The following HERC6 variants were observed in gnomAD, a reference collection of about 807,000 sequenced individuals.
HERC6 encodes probable E3 ubiquitin-protein ligase HERC6.
In HERC6, 101 loss-of-function variants were observed where a neutral mutation model predicts 114.5. That is an observed-to-expected ratio of 0.88 (90% CI 0.75 to 1.04). The LOEUF (loss-of-function observed/expected upper bound fraction) is 1.04, where lower values mean the gene tolerates loss of function less well. HERC6 is among the 50% of genes least tolerant of loss of function. The pLI is 0.00. For missense variants in HERC6, 1,133 were observed against 1,230.9 expected (o/e 0.92, Z 1.19); for synonymous variants, 408 against 436.2 (o/e 0.94, Z 0.81).
chr4:88,401,939 T>C (rs570093610), intron 8 of HERC6, among the ~76,000 whole-genome samples: 58 of 152,246 alleles, frequency 3.8e-4, no homozygotes, highest in Non-Finnish European at 7.6e-4. Flanking sequence ...GATTTTGGAG[T>C]AATTCAGAGT....
chr4:88,427,087 C>A (rs1186772999), intron 15 of HERC6, among the ~76,000 whole-genome samples: 1 of 152,132 alleles, frequency 6.6e-6, no homozygotes, highest in Non-Finnish European at 1.5e-5. Flanking sequence ...TAGGAAAAGT[C>A]TGAGGACAAG....
Position 88,385,492 on chromosome 4 carries a change from A to T in HERC6, c.360-7A>T. On this transcript the variant is annotated splice_region_variant and splice_polypyrimidine_tract_variant and intron_variant, in intron 2 of 22. Transcript: ENST00000264346. ...GATTAATCAATTTTGTATTATTTGT[A>T]TTATAGGAAAATAATGACTCTGAAT... The T allele has an allele frequency of 7.6e-7, 1 of 1,308,238 alleles. No individual in the cohort carries two copies. The highest frequency in any genetic ancestry group is 1.1e-6 in the Non-Finnish European group (1 of 942,814). The allele number at this position is 1,308,238 out of a possible 1,614,324, so 81.0% of individuals were successfully genotyped here. A position where few individuals can be genotyped will look rare whatever the true frequency, so the allele number is the denominator to read the frequency against.
At position 88,442,812 on chromosome 4, in the gene HERC6, G is replaced by A. The variant is rs774310639; in HGVS notation, c.*352G>A. On this transcript the variant is annotated 3_prime_UTR_variant, in exon 23 of 23. Transcript: ENST00000264346. ...GGGCCAGACCTGCACTCTGGCCAAT[G>A]ATTGGTTCATTCCAGGACATTCATT... 81 of 277,970 alleles carry A rather than the reference G, an allele frequency of 2.9e-4. No homozygotes were observed. Among genetic ancestry groups the A allele is most frequent in the Non-Finnish European group, 4.6e-4 (66 of 144,530 alleles). The allele number at this position is 277,970 out of a possible 1,614,324, so 17.2% of individuals were successfully genotyped here. A position where few individuals can be genotyped will look rare whatever the true frequency, so the allele number is the denominator to read the frequency against.
chr4:88,397,303 G>C (rs6854823), intron 7 of HERC6, among the ~76,000 whole-genome samples: 70,730 of 150,824 alleles, frequency 0.47, 18,692 homozygotes, highest in African/African-American at 0.72. Context: ...GTAGAGATGG[G>C]GTTTCTCCGT....
At chr4:88,439,842 CTTTT>C (rs537714979) in intron 20 of HERC6, 28 bp from the exon 21 acceptor site, 21,086 of 971,178 alleles carry the variant, frequency 0.022, no homozygotes, top group East Asian at 0.025. Flanking sequence ...TCCTTCCTTT[CTTTT>C]TTTTTTTTTT....
intron 8 of HERC6, among the ~76,000 whole-genome samples, chr4:88,402,577 G>A (rs1735602715): frequency 6.6e-6 from 1 of 152,092 alleles, no homozygotes; most frequent in South Asian, 2.1e-4. Context: ...AGATGAAGGT[G>A]GGAGATAGAT....
rs1738905746 is a variant in HERC6 at position 88,437,768 on chromosome 4, G to A, written c.2542G>A (p.Asp848Asn). The change falls in exon 20 of 23, where the codon GAC becomes AAC. Residue 848 changes from aspartate to asparagine, a missense_variant. By Grantham distance (23) the Asp-to-Asn change is conservative. Transcript: ENST00000264346. ...LIPNGISIPVDQTNKRDYVSK... is the reference protein window; with the variant it reads ...LIPNGISIPVNQTNKRDYVSK... ...TCCAAATGGGATCTCCATACCTGTG[G>A]ACCAAACCAACAAGTAAGTTTTGAC... is the stretch of plus-strand genomic sequence containing the variant. 6.2e-7 allele frequency: 1 copy of A among 1,606,866 alleles called. No homozygotes were observed. The highest frequency in any genetic ancestry group is 8.5e-7 in the Non-Finnish European group (1 of 1,176,040).
chr4:88,414,518 A>G (rs1736318516), intron 12 of HERC6, among the ~76,000 whole-genome samples: 1 of 152,192 alleles, frequency 6.6e-6, no homozygotes, highest in Non-Finnish European at 1.5e-5. Flanking sequence ...AAGTTTACTA[A>G]GAAAGTAGAA....
At chr4:88,417,385 A>G in intron 12 of HERC6, 40 bp from the exon 13 acceptor site, 1 of 1,579,190 alleles carries the variant, frequency 6.3e-7, no homozygotes, top group Non-Finnish European at 8.6e-7. Context: ...GGGGGGTGGT[A>G]GGAAAAACAT....
At chr4:88,418,528 T>G (rs1044712769) in intron 13 of HERC6, among the ~76,000 whole-genome samples, 1 of 152,134 alleles carries the variant, frequency 6.6e-6, no homozygotes, top group Non-Finnish European at 1.5e-5. Flanking sequence ...AGAGCTACAG[T>G]GTTTGAGCCA....
intron 8 of HERC6, among the ~76,000 whole-genome samples, chr4:88,402,402 G>C (rs903321894): frequency 1.8e-4 from 27 of 152,184 alleles, no homozygotes; most frequent in Admixed American, 1.7e-3. Flanking sequence ...CTGGTAGACA[G>C]AGGCCAGTGA....
chr4:88,385,666 T>C, intron 3 of HERC6, 91 bp downstream of exon 3: 1 of 639,826 alleles, frequency 1.6e-6, no homozygotes, highest in Non-Finnish European at 2.7e-6. Flanking sequence ...CTGGGGTTCA[T>C]TTAGAAGTTT....
intron 18 of HERC6, among the ~76,000 whole-genome samples, chr4:88,436,104 A>G (rs1365125262): frequency 6.6e-6 from 1 of 152,212 alleles, no homozygotes; most frequent in Non-Finnish European, 1.5e-5. Flanking sequence ...AAGTGGAAGA[A>G]ACAGGAGTTC....
intron 10 of HERC6, 76 bp from the exon 11 acceptor site, chr4:88,408,448 A>C: frequency 1.1e-6 from 1 of 891,616 alleles, no homozygotes; most frequent in Non-Finnish European, 1.8e-6. Flanking sequence ...GTAATAAAGC[A>C]ACAAATGACA....
chr4:88,401,083 G>A (rs1027054493), intron 8 of HERC6, among the ~76,000 whole-genome samples: 4 of 152,186 alleles, frequency 2.6e-5, no homozygotes, highest in African/African-American at 9.7e-5. Context: ...AACCTGACCC[G>A]AGTGGGCTGG....
intron 13 of HERC6, among the ~76,000 whole-genome samples, chr4:88,418,860 G>A (rs1736763983): frequency 6.6e-6 from 1 of 152,058 alleles, no homozygotes; most frequent in African/African-American, 2.4e-5. Flanking sequence ...CGGAATAGCT[G>A]GGATTACAGG....
chr4:88,413,970 G>T (rs867237415), intron 12 of HERC6, among the ~76,000 whole-genome samples: 1 of 152,118 alleles, frequency 6.6e-6, no homozygotes, highest in Non-Finnish European at 1.5e-5. Context: ...TTCCTCAGTC[G>T]TCTTGTCTGT....
In HERC6 at chr4:88,379,882, AAT is replaced by A. The variant is rs1174877259; in HGVS notation, c.199+772_199+773del. Among the ~76,000 whole-genome samples, 154 of 43,468 alleles carry A rather than the reference AAT, an allele frequency of 3.5e-3. 5 individuals are homozygous for A. The highest frequency in any genetic ancestry group is 0.014 in the African/African-American group (127 of 9,196). The allele number at this position is 43,468 out of a possible 152,430, so 28.5% of individuals were successfully genotyped here. A position where few individuals can be genotyped will look rare whatever the true frequency, so the allele number is the denominator to read the frequency against. ...AGCATATAAATATATATAATATATA[AAT>A]ATATATATAATATATAAATATATAT... is the stretch of plus-strand genomic sequence containing the variant. On this transcript the variant is annotated intron_variant, in intron 1 of 22. Transcript: ENST00000264346.
chr4:88,439,668 T>C (rs1272885689), intron 20 of HERC6, among the ~76,000 whole-genome samples: 5 of 152,184 alleles, frequency 3.3e-5, no homozygotes, highest in Middle Eastern at 3.2e-3. Context: ...GTGAGCCAAA[T>C]AGTTTTAAAC....
Sources: gnomAD v4.1 joint callset for allele counts (sites outside exome capture counted in the v4.1 genomes callset) on GRCh38, gnomAD v4.1.1 for gene constraint, MANE v1.5 for transcripts, NCBI Gene and HGNC (gene_info 2026-07-23, HGNC 2026-07-21) for gene names.